EYS: variants seen among roughly 807,000 people sequenced by gnomAD.
EYS encodes EGF-like photoreceptor maintenance factor, also known as protein eyes shut homolog.
EYS carries 250 observed loss-of-function variants against 282.1 expected under a neutral mutation model. That is an observed-to-expected ratio of 0.89 (90% CI 0.80 to 0.98). The LOEUF (loss-of-function observed/expected upper bound fraction) is 0.98, where lower values mean the gene tolerates loss of function less well. EYS is among the 50% of genes least tolerant of loss of function. The pLI is 0.00. For missense variants in EYS, 4,016 were observed against 3,709.0 expected (o/e 1.08, Z -2.15); for synonymous variants, 1,355 against 1,282.9 (o/e 1.06, Z -1.20).
chr6:64,370,899 G>T (rs1190458108), intron 29 of EYS, among the ~76,000 whole-genome samples: 1 of 151,700 alleles, frequency 6.6e-6, no homozygotes, highest in Non-Finnish European at 1.5e-5. Flanking sequence ...CGTTTATTTG[G>T]ATCTTCTGTT....
At chr6:65,648,312 ATATGTGTG>A (rs1452068470) in intron 1 of EYS, among the ~76,000 whole-genome samples, 15 of 84,222 alleles carry the variant, frequency 1.8e-4, no homozygotes, top group Admixed American at 5.2e-4. Flanking sequence ...TAAAGAAAAT[ATATGTGTG>A]TGTGTGTGTG....
chr6:64,086,591 G>A (rs1484925514), intron 31 of EYS, among the ~76,000 whole-genome samples: 1 of 151,952 alleles, frequency 6.6e-6, no homozygotes, highest in Non-Finnish European at 1.5e-5. Flanking sequence ...TCAAATCCTA[G>A]GTATAAAATT....
At chr6:64,580,167 A>T (rs1423423243) in intron 26 of EYS, among the ~76,000 whole-genome samples, 2 of 152,128 alleles carry the variant, frequency 1.3e-5, no homozygotes. Context: ...TTTAAGATAG[A>T]TGACATACAG....
intron 1 of EYS, among the ~76,000 whole-genome samples, chr6:65,673,433 G>A (rs1346114551): frequency 6.6e-6 from 1 of 152,072 alleles, no homozygotes; most frequent in Non-Finnish European, 1.5e-5. Flanking sequence ...AAACTAAACA[G>A]AAGATACAAG....
chr6:64,787,934 A>G (rs941528622), intron 22 of EYS, among the ~76,000 whole-genome samples: 1 of 151,816 alleles, frequency 6.6e-6, no homozygotes, highest in African/African-American at 2.4e-5. Context: ...CTTTTACATC[A>G]TGCCCCTTTG....
intron 22 of EYS, among the ~76,000 whole-genome samples, chr6:64,650,231 A>T (rs2149877703): frequency 6.6e-6 from 1 of 152,196 alleles, no homozygotes; most frequent in East Asian, 1.9e-4. Flanking sequence ...TGCATCTATA[A>T]GAAAATATTA....
intron 14 of EYS, among the ~76,000 whole-genome samples, chr6:64,958,734 CAAAAAAAAA>C (rs1167094477): frequency 1.4e-4 from 7 of 51,680 alleles, no homozygotes; most frequent in African/African-American, 3.8e-4. Context: ...GACTCCGTCT[CAAAAAAAAA>C]AAAAAAAAAA....
chr6:65,264,498 C>T (rs1371866021), intron 12 of EYS, among the ~76,000 whole-genome samples: 3 of 152,006 alleles, frequency 2.0e-5, no homozygotes, highest in Admixed American at 2.0e-4. Context: ...AATAGAAGTA[C>T]TTCTTTGTCT....
intron 31 of EYS, among the ~76,000 whole-genome samples, chr6:64,097,192 T>G (rs1034534410): frequency 3.9e-5 from 6 of 152,138 alleles, no homozygotes; most frequent in Non-Finnish European, 8.8e-5. Context: ...TAGGCTACTC[T>G]GGGGTCAGGG....
At chr6:65,565,397 G>A (rs1769232923) in intron 2 of EYS, among the ~76,000 whole-genome samples, 1 of 151,908 alleles carries the variant, frequency 6.6e-6, no homozygotes, top group South Asian at 2.1e-4. Context: ...ACCACAATGA[G>A]ATACCATCTT....
At chr6:64,766,719 G>A (rs1773364617) in intron 22 of EYS, among the ~76,000 whole-genome samples, 1 of 125,604 alleles carries the variant, frequency 8.0e-6, no homozygotes, top group Non-Finnish European at 1.6e-5. Flanking sequence ...CCCTTCCACT[G>A]AGAAACAAAT....
At chr6:65,404,966 T>C (rs1766663809) in intron 6 of EYS, among the ~76,000 whole-genome samples, 1 of 151,966 alleles carries the variant, frequency 6.6e-6, no homozygotes, top group South Asian at 2.1e-4. Flanking sequence ...CAAATTTATA[T>C]TCTTTTAAAA....
At chr6:64,033,544 G>A (rs1769964656) in intron 33 of EYS, among the ~76,000 whole-genome samples, 1 of 152,014 alleles carries the variant, frequency 6.6e-6, no homozygotes, top group African/African-American at 2.4e-5. Context: ...GTCTAAAATA[G>A]GTCAGAAGTC....
intron 12 of EYS, among the ~76,000 whole-genome samples, chr6:65,137,847 T>C (rs1254930234): frequency 6.6e-6 from 1 of 152,142 alleles, no homozygotes; most frequent in Non-Finnish European, 1.5e-5. Flanking sequence ...ATTATATTTA[T>C]GATATTTACT....
At chr6:64,949,980 T>G (rs528160762) in intron 14 of EYS, among the ~76,000 whole-genome samples, 30 of 151,990 alleles carry the variant, frequency 2.0e-4, no homozygotes, top group Non-Finnish European at 3.4e-4. Context: ...TCTAACAACG[T>G]CAAAGAATAA....
chr6:64,772,337 T>C (rs1773550307), intron 22 of EYS, among the ~76,000 whole-genome samples: 1 of 151,734 alleles, frequency 6.6e-6, no homozygotes, highest in Non-Finnish European at 1.5e-5. Context: ...TGTTGATTTG[T>C]GTAAGTAGCT....
chr6:63,977,092 C>T (rs1017070542), intron 35 of EYS, among the ~76,000 whole-genome samples: 3 of 150,872 alleles, frequency 2.0e-5, no homozygotes, highest in African/African-American at 7.3e-5. Flanking sequence ...AATGGATACA[C>T]AATAATTGTG....
At chr6:64,478,324 T>A (rs985446977) in intron 26 of EYS, among the ~76,000 whole-genome samples, 4 of 151,916 alleles carry the variant, frequency 2.6e-5, no homozygotes, top group African/African-American at 9.7e-5. Flanking sequence ...TTTTATGTCT[T>A]TCCAGCTCAG....
chr6:64,361,721 G>A (rs2150408964), intron 29 of EYS, among the ~76,000 whole-genome samples: 1 of 151,598 alleles, frequency 6.6e-6, no homozygotes, highest in Admixed American at 6.6e-5. Context: ...TTATAATTTA[G>A]GACACAACAC....
Sources: gnomAD v4.1 joint callset for allele counts (sites outside exome capture counted in the v4.1 genomes callset) on GRCh38, gnomAD v4.1.1 for gene constraint, MANE v1.5 for transcripts, NCBI Gene and HGNC (gene_info 2026-07-23, HGNC 2026-07-21) for gene names.